The following ATG4B variants were observed in gnomAD, a reference collection of about 807,000 sequenced individuals.
ATG4B encodes the protein cysteine protease ATG4B.
A neutral mutation model predicts 56.6 loss-of-function variants in ATG4B; 29 were observed. The ratio of observed to expected loss-of-function variants is 0.51; its 90% CI spans 0.38 to 0.70. The LOEUF (loss-of-function observed/expected upper bound fraction) is 0.70. ATG4B is among the 30% of genes least tolerant of loss of function. ATG4B has a pLI of 0.00. For synonymous variants in ATG4B, 224 were observed against 206.1 expected (o/e 1.09, Z -0.74); for missense variants, 461 against 515.5 (o/e 0.89, Z 1.02).
At position 241,651,355 on chromosome 2, in the gene ATG4B, A is replaced by G; in HGVS notation, c.184+20A>G. 3 of 1,534,124 alleles carry G rather than the reference A, an allele frequency of 2.0e-6. No individual in the cohort carries two copies. Among genetic ancestry groups the G allele is most frequent in the South Asian group, 2.4e-5 (2 of 82,232 alleles). Reference sequence around the variant, plus strand: ...CCATTGGTAAGTACTCTGTTTTATTACAACGCGGGACAAAATATGTTTTTA... The same window carrying G: ...CCATTGGTAAGTACTCTGTTTTATTGCAACGCGGGACAAAATATGTTTTTA... On this transcript the variant is annotated intron_variant, in intron 3 of 12. Transcript: ENST00000404914. This position sits in a 1 kb window ranked among gnomAD's most constrained non-coding sequence, Gnocchi z 4.1.
intron 1 of ATG4B, among the ~76,000 whole-genome samples, chr2:241,642,189 G>A (rs2067910871): frequency 6.7e-6 from 1 of 149,814 alleles, no homozygotes; most frequent in African/African-American, 2.4e-5. Context: ...TTCTTGAGAT[G>A]GAGTCTTGCT....
At chr2:241,659,684 G>A (rs951964159) in intron 7 of ATG4B, 1 of 262,626 alleles carries the variant, frequency 3.8e-6, no homozygotes, top group African/African-American at 2.2e-5. Flanking sequence ...GGAAAACTGT[G>A]GCTCAGTTTT....
At chr2:241,656,395 C>T (rs368771773) in intron 6 of ATG4B, among the ~76,000 whole-genome samples, 1 of 152,198 alleles carries the variant, frequency 6.6e-6, no homozygotes, top group Admixed American at 6.5e-5. Context: ...TGCTCAGTCC[C>T]TACTGCATGC....
chr2:241,658,241 C>T (rs1199443339), intron 6 of ATG4B, among the ~76,000 whole-genome samples: 5 of 142,696 alleles, frequency 3.5e-5, no homozygotes, highest in Admixed American at 1.4e-4. Context: ...GGGAGTGGGG[C>T]GGGGAAGCAG....
chr2:241,646,061 A>C (rs544548492), intron 1 of ATG4B, among the ~76,000 whole-genome samples: 2 of 152,174 alleles, frequency 1.3e-5, no homozygotes, highest in Non-Finnish European at 2.9e-5. Context: ...ATCTGAGGCC[A>C]CACACCTGTA....
intron 7 of ATG4B, among the ~76,000 whole-genome samples, chr2:241,665,608 C>T (rs2125142197): frequency 6.6e-6 from 1 of 152,340 alleles, no homozygotes; most frequent in African/African-American, 2.4e-5. Flanking sequence ...TGAGAGTAGC[C>T]TCTGGGTGGC....
intron 5 of ATG4B, 186 bp downstream of exon 5, chr2:241,654,833 C>G (rs1276186673): frequency 6.6e-6 from 4 of 607,234 alleles, no homozygotes; most frequent in Non-Finnish European, 2.9e-6. Flanking sequence ...CACATCACCC[C>G]CGTCCCACCC....
In ATG4B at chr2:241,651,081, A is replaced by C; in HGVS notation, c.82A>C (p.Ile28Leu). 6.2e-7 allele frequency: 1 copy of C among 1,613,826 alleles called. No individual in the cohort carries two copies. Among genetic ancestry groups the C allele is most frequent in the Admixed American group, 1.7e-5 (1 of 60,008 alleles). Residue 28 changes from isoleucine (I) to leucine (L), a missense_variant, in exon 2 of 13, where the codon ATA (isoleucine) becomes CTA (leucine). Transcript: ENST00000404914. The surrounding 1 kb of genome is among the most constrained non-coding windows in gnomAD (Gnocchi z 4.1). ...TCCTGAGACCTCAGAGCCCGTTTGG[A>C]TACTGGGTAGAAAATACAGCATTTT... Reference protein sequence around the residue: ...DFPETSEPVWILGRKYSIFTE... With the variant: ...DFPETSEPVWLLGRKYSIFTE...
chr2:241,655,493 T>C lies in ATG4B; in HGVS notation c.458+150T>C, dbSNP rs2068370671. On this transcript the variant is annotated intron_variant, in intron 6 of 12. Coordinates refer to ENST00000404914, the MANE Select transcript of ATG4B (RefSeq NM_013325.5). ...AGAAGGTTTCTCAGCGATGACTGTG[T>C]TGAGGTCTTGTGAATAGGAATTTAT... 4.0e-6 allele frequency: 3 copies of C among 749,680 alleles called. No individual in the cohort carries two copies. The East Asian group carries it at 8.1e-5, about 20-fold the overall frequency. The allele number at this position is 749,680 out of a possible 1,614,324, so 46.4% of individuals were successfully genotyped here.
At chr2:241,670,808 C>G in intron 11 of ATG4B, 26 bp downstream of exon 11, 3 of 1,593,500 alleles carry the variant, frequency 1.9e-6, no homozygotes, top group South Asian at 1.1e-5. Context: ...ACACCCACAG[C>G]CGAGCTGAGC....
chr2:241,670,216 T>C (rs1296897107), intron 10 of ATG4B, among the ~76,000 whole-genome samples: 2 of 152,078 alleles, frequency 1.3e-5, no homozygotes, highest in Non-Finnish European at 2.9e-5. Context: ...GCGGCAGCTT[T>C]AAGGATGTGA....
chr2:241,665,762 A>G (rs1425468489), intron 7 of ATG4B, among the ~76,000 whole-genome samples: 1 of 152,224 alleles, frequency 6.6e-6, no homozygotes, highest in Non-Finnish European at 1.5e-5. Context: ...CTCCTGCCTG[A>G]TAATGGTGGT....
chr2:241,653,346 C>T, intron 3 of ATG4B, 166 bp from the exon 4 acceptor site: 1 of 1,549,928 alleles, frequency 6.5e-7, no homozygotes. Context: ...AAATGTGGCC[C>T]TTGGCGTTAC....
chr2:241,648,021 G>C (rs1175454097), intron 1 of ATG4B, among the ~76,000 whole-genome samples: 2 of 152,154 alleles, frequency 1.3e-5, no homozygotes, highest in Admixed American at 1.3e-4. Context: ...GGATGAGGCA[G>C]GAGAATTTCT....
At chr2:241,646,045 T>C (rs1440348618) in intron 1 of ATG4B, among the ~76,000 whole-genome samples, 5 of 152,168 alleles carry the variant, frequency 3.3e-5, no homozygotes, top group African/African-American at 7.2e-5. Context: ...GTTTATACAG[T>C]GAGCAATCTG....
At chr2:241,667,948 G>C (rs1484995344) in intron 8 of ATG4B, 195 bp from the exon 9 acceptor site, 2 of 573,872 alleles carry the variant, frequency 3.5e-6, no homozygotes, top group Non-Finnish European at 3.1e-6. Context: ...TGAGCCTGCA[G>C]ATTGGGTTTC....
intron 1 of ATG4B, among the ~76,000 whole-genome samples, chr2:241,639,445 G>A (rs1392751547): frequency 6.6e-6 from 1 of 152,218 alleles, no homozygotes; most frequent in Admixed American, 6.5e-5. Flanking sequence ...GTCACGTGGG[G>A]TGTCACAGTG....
chr2:241,646,258 G>A (rs778276023), intron 1 of ATG4B, among the ~76,000 whole-genome samples: 37 of 152,160 alleles, frequency 2.4e-4, no homozygotes, highest in Non-Finnish European at 4.4e-4. Context: ...CTCAGGCCTC[G>A]TGACCCTGCT....
chr2:241,655,553 C>G, intron 6 of ATG4B: 2 of 589,652 alleles, frequency 3.4e-6, no homozygotes. Flanking sequence ...AGTCCACATC[C>G]TGGCTGGCAC....
Sources: allele counts gnomAD v4.1 joint callset (sites outside exome capture counted in the v4.1 genomes callset), GRCh38; gene constraint gnomAD v4.1.1; non-coding constraint Gnocchi (gnomAD v3.1); transcripts MANE v1.5; gene names NCBI Gene and HGNC (gene_info 2026-07-23, HGNC 2026-07-21).